The following RBFOX1 variants were observed in gnomAD, a reference collection of about 807,000 sequenced individuals.
RBFOX1 encodes the protein RNA binding protein fox-1 homolog 1.
In RBFOX1, 8 loss-of-function variants were observed where a neutral mutation model predicts 57.7. That is an observed-to-expected ratio of 0.14 (90% CI 0.08 to 0.25). The LOEUF is 0.25. Among genes scored for constraint, RBFOX1 ranks in the 10% least tolerant of loss-of-function variants. The pLI is 1.00. For synonymous variants in RBFOX1, 326 were observed against 222.4 expected, an observed-to-expected ratio of 1.47 and a Z score of -4.15; for missense variants, 611 against 548.5, an observed-to-expected ratio of 1.11 and a Z score of -1.14.
intron 3 of RBFOX1, among the ~76,000 whole-genome samples, chr16:6,665,515 CT>C (rs146051695): frequency 0.015 from 2,278 of 151,882 alleles, 32 homozygotes; most frequent in African/African-American, 0.048. Context: ...ATCGCAGCTA[CT>C]TGGGAGGCTG....
At chr16:6,851,888 TG>T (rs1294288836) in intron 3 of RBFOX1, among the ~76,000 whole-genome samples, 1 of 151,670 alleles carries the variant, frequency 6.6e-6, no homozygotes, top group Non-Finnish European at 1.5e-5. Context: ...CTGTATTTTT[TG>T]GGGGGTTGGA....
At chr16:6,631,258 G>A (rs12149734) in intron 2 of RBFOX1, among the ~76,000 whole-genome samples, 253 of 152,018 alleles carry the variant, frequency 1.7e-3, no homozygotes, top group Admixed American at 3.7e-3. Context: ...TAAAGGGATG[G>A]AATAAAACCA....
intron 4 of RBFOX1, chr16:7,304,324 A>G: frequency 1.0e-6 from 1 of 985,262 alleles, no homozygotes. Context: ...GCGCCCAGGC[A>G]GAGAGCAACG....
chr16:7,675,748 C>A (rs8046462), intron 13 of RBFOX1, among the ~76,000 whole-genome samples: 54,129 of 152,002 alleles, frequency 0.36, 10,823 homozygotes, highest in Non-Finnish European at 0.46. Context: ...ACTACTTTGT[C>A]CTGAGTTGCC....
chr16:7,682,941 C>A (rs1349669508), intron 14 of RBFOX1, among the ~76,000 whole-genome samples: 1 of 118,108 alleles, frequency 8.5e-6, no homozygotes, highest in Non-Finnish European at 1.8e-5. Context: ...CACAGTTATA[C>A]CTGTGAGATT....
chr16:7,474,726 T>C (rs149740004), intron 4 of RBFOX1, among the ~76,000 whole-genome samples: 56 of 152,338 alleles, frequency 3.7e-4, no homozygotes, highest in African/African-American at 1.2e-3. Context: ...ATTTTTCTTC[T>C]GTAAAATGGG....
At chr16:5,342,389 G>A (rs2065051582) in intron 1 of RBFOX1, among the ~76,000 whole-genome samples, 1 of 152,184 alleles carries the variant, frequency 6.6e-6, no homozygotes, top group African/African-American at 2.4e-5. Flanking sequence ...CAGGTAGTCA[G>A]GCTTGGTGAA....
intron 2 of RBFOX1, among the ~76,000 whole-genome samples, chr16:5,560,538 G>A (rs762511985): frequency 1.3e-5 from 2 of 152,038 alleles, no homozygotes; most frequent in Non-Finnish European, 2.9e-5. Context: ...TCCTTTGTCT[G>A]TTTGAATCTC....
chr16:6,253,699 G>A (rs200007591), intron 1 of RBFOX1, among the ~76,000 whole-genome samples: 2,208 of 142,400 alleles, frequency 0.016, 59 homozygotes, highest in African/African-American at 0.052. Context: ...GTGTGTGTGT[G>A]TATATATATA....
At chr16:5,386,128 A>AGTT (rs2066248911) in intron 1 of RBFOX1, among the ~76,000 whole-genome samples, 2 of 131,798 alleles carry the variant, frequency 1.5e-5, no homozygotes, top group Admixed American at 1.6e-4. Context: ...TTGGAGGGGG[A>AGTT]GTTTATTTAG....
intron 3 of RBFOX1, among the ~76,000 whole-genome samples, chr16:6,790,265 A>T: frequency 6.6e-6 from 1 of 151,290 alleles, no homozygotes; most frequent in East Asian, 1.9e-4. Context: ...GCTTAGTGCA[A>T]CCTCTGCCTC....
At chr16:5,550,172 G>C (rs2045403561) in intron 2 of RBFOX1, among the ~76,000 whole-genome samples, 1 of 152,188 alleles carries the variant, frequency 6.6e-6, no homozygotes, top group Admixed American at 6.6e-5. Flanking sequence ...GTGCAGTGTT[G>C]CGAGAGGGGC....
chr16:5,556,171 T>G (rs1280838876), intron 2 of RBFOX1, among the ~76,000 whole-genome samples: 1 of 152,260 alleles, frequency 6.6e-6, no homozygotes, highest in Non-Finnish European at 1.5e-5. Context: ...AGTAACACAT[T>G]TCCCTCTTGC....
chr16:5,252,585 G>C (rs191711725), intron 1 of RBFOX1, among the ~76,000 whole-genome samples: 1 of 152,286 alleles, frequency 6.6e-6, no homozygotes, highest in African/African-American at 2.4e-5. Flanking sequence ...AGGCTGTGGG[G>C]TTGGACACTT....
At chr16:5,607,092 C>G (rs947908954) in intron 3 of RBFOX1, among the ~76,000 whole-genome samples, 3 of 152,168 alleles carry the variant, frequency 2.0e-5, no homozygotes, top group Non-Finnish European at 4.4e-5. Context: ...TTCACTATGT[C>G]TCCTCACTGG....
chr16:6,719,914 GA>G (rs2065629860), intron 3 of RBFOX1, among the ~76,000 whole-genome samples: 1 of 151,698 alleles, frequency 6.6e-6, no homozygotes. Context: ...CCATCATGGT[GA>G]AAACCCATCT....
chr16:5,688,442 A>C (rs2050569565), intron 3 of RBFOX1, among the ~76,000 whole-genome samples: 1 of 152,232 alleles, frequency 6.6e-6, no homozygotes, highest in South Asian at 2.1e-4. Flanking sequence ...TGTTGCCTGC[A>C]AGAATTCCTG....
At chr16:7,008,431 T>G (rs2093425163) in intron 3 of RBFOX1, among the ~76,000 whole-genome samples, 1 of 151,668 alleles carries the variant, frequency 6.6e-6, no homozygotes, top group Admixed American at 6.6e-5. Flanking sequence ...TTCCAGACAC[T>G]CAGAAGTCAG....
intron 1 of RBFOX1, among the ~76,000 whole-genome samples, chr16:5,359,515 G>A (rs956339193): frequency 2.0e-5 from 3 of 152,180 alleles, no homozygotes; most frequent in Non-Finnish European, 2.9e-5. Flanking sequence ...TTTAACTGGG[G>A]TGCGATGGCA....
Sources: gnomAD v4.1 joint callset for allele counts (sites outside exome capture counted in the v4.1 genomes callset) on GRCh38, gnomAD v4.1.1 for gene constraint, MANE v1.5 for transcripts, NCBI Gene and HGNC (gene_info 2026-07-23, HGNC 2026-07-21) for gene names.